Variants in INPP5A observed in about 807,000 individuals in gnomAD.
The protein encoded by INPP5A is inositol polyphosphate-5-phosphatase A, also known as 43 kDa inositol polyphosphate 5-phophatase.
INPP5A carries 14 observed loss-of-function variants against 65.2 expected under a neutral mutation model. That is an observed-to-expected ratio of 0.21 (90% CI 0.14 to 0.34). The LOEUF is 0.34. Ranked by LOEUF, INPP5A falls within the 10% of genes least tolerant of loss-of-function variation. The pLI is 1.00. For synonymous variants in INPP5A, 207 were observed against 208.3 expected (o/e 0.99, Z 0.05); for missense variants, 431 against 545.6 (o/e 0.79, Z 2.09).
chr10:132,543,319 T>G (rs1482112695), intron 1 of INPP5A, among the ~76,000 whole-genome samples: 2 of 152,118 alleles, frequency 1.3e-5, no homozygotes, highest in East Asian at 3.9e-4. Flanking sequence ...ATACATGGGA[T>G]CAGACGGTCT....
Position 132,752,629 on chromosome 10 carries a change from T to C in INPP5A, c.903+2784T>C, listed in dbSNP as rs951846642. 5.9e-3 allele frequency among the ~76,000 whole-genome samples: 168 copies of C among 28,656 alleles called. 1 individual carries two copies. Among genetic ancestry groups the C allele is most frequent in the African/African-American group, 0.019 (150 of 7,750 alleles). 18.8% of individuals were successfully genotyped at this position (28,656 alleles called of 152,430 possible). A position where few individuals can be genotyped will look rare whatever the true frequency, so the allele number is the denominator to read the frequency against. ...GCATGGAGTGGGGTGTGGCATGGAG[T>C]GGGGTGTGGCATGGAGGGACACGGG... On this transcript the variant is annotated intron_variant, in intron 11 of 15. Coordinates refer to ENST00000368594, the MANE Select transcript of INPP5A (RefSeq NM_005539.5).
At chr10:132,623,256 C>T (rs1219236704) in intron 2 of INPP5A, among the ~76,000 whole-genome samples, 1 of 152,184 alleles carries the variant, frequency 6.6e-6, no homozygotes, top group Non-Finnish European at 1.5e-5. Context: ...TACCATAAAG[C>T]TGAAGCAATC....
Position 132,564,957 on chromosome 10 carries a change from C to T in INPP5A, c.75+26786C>T, listed in dbSNP as rs994598468. ...TCACCTGGTATGAGCCTCTGCCACC[C>T]CGCTCCCCACAGCAGCAGTACCAAC... On this transcript the variant is annotated intron_variant, in intron 1 of 15. Coordinates refer to ENST00000368594, the MANE Select transcript of INPP5A (RefSeq NM_005539.5). Among the ~76,000 whole-genome samples the T allele has an allele frequency of 2.6e-5, 4 of 152,214 alleles. No individual in the cohort carries two copies. In the South Asian group the frequency reaches 6.2e-4, roughly 24 times the overall value.
At position 132,575,011 on chromosome 10, in the gene INPP5A, G is replaced by A. The variant is rs1485165339; in HGVS notation, c.76-32904G>A. Reference sequence around the variant, plus strand: ...GCCCACCTGACGATAGAAACGCAAAGCACACCTCAGCATATGGTCTGCGGA... The same window carrying A: ...GCCCACCTGACGATAGAAACGCAAAACACACCTCAGCATATGGTCTGCGGA... On this transcript the variant is annotated intron_variant, in intron 1 of 15. Transcript: ENST00000368594. The surrounding 1 kb of genome is among the most constrained non-coding windows in gnomAD (Gnocchi z 5.4). 2.0e-5 allele frequency among the ~76,000 whole-genome samples: 3 copies of A among 152,176 alleles called. No homozygotes were observed. Among genetic ancestry groups the A allele is most frequent in the Non-Finnish European group, 2.9e-5 (2 of 68,038 alleles).
chr10:132,701,558 G>A (rs905214269), intron 6 of INPP5A, among the ~76,000 whole-genome samples: 1 of 152,262 alleles, frequency 6.6e-6, no homozygotes, highest in African/African-American at 2.4e-5. Flanking sequence ...CTGAGCATGT[G>A]AGCGTTGGCT....
rs2070985361 is a variant in INPP5A at position 132,547,134 on chromosome 10, G to A, written c.75+8963G>A. Among the ~76,000 whole-genome samples the A allele has an allele frequency of 6.6e-6, 1 of 152,250 alleles. No homozygotes were observed. The highest frequency in any genetic ancestry group is 1.5e-5 in the Non-Finnish European group (1 of 68,042). On this transcript the variant is annotated intron_variant, in intron 1 of 15. Transcript: ENST00000368594. This position sits in a 1 kb window ranked among gnomAD's most constrained non-coding sequence, Gnocchi z 5.5. ...GGCCACAGTCCAGGTTCACGTGGAT[G>A]CGGGGCAGGCCCCACCTCTCCTCGC...
chr10:132,597,611 G>A (rs989020393), intron 1 of INPP5A, among the ~76,000 whole-genome samples: 4 of 152,184 alleles, frequency 2.6e-5, no homozygotes, highest in South Asian at 2.1e-4. Flanking sequence ...TATGCAGAGC[G>A]GTTGTAAAAA....
chr10:132,567,651 C>T (rs1380891567), intron 1 of INPP5A, among the ~76,000 whole-genome samples: 3 of 152,156 alleles, frequency 2.0e-5, no homozygotes, highest in African/African-American at 2.4e-5. Context: ...TCCATGTAAA[C>T]GTGTCTGTGG....
At chr10:132,748,126 C>G (rs1444233938) in intron 9 of INPP5A, among the ~76,000 whole-genome samples, 1 of 152,212 alleles carries the variant, frequency 6.6e-6, no homozygotes, top group Non-Finnish European at 1.5e-5. Flanking sequence ...ATTCTAGACT[C>G]TCTCTCCATA....
At chr10:132,747,112 C>T (rs1210750529) in intron 9 of INPP5A, among the ~76,000 whole-genome samples, 2 of 152,206 alleles carry the variant, frequency 1.3e-5, no homozygotes, top group Non-Finnish European at 2.9e-5. Context: ...TGAGCCGCGT[C>T]CTGGGATGGC....
At chr10:132,625,138 T>C (rs2072166046) in intron 2 of INPP5A, among the ~76,000 whole-genome samples, 1 of 106,592 alleles carries the variant, frequency 9.4e-6, no homozygotes. Flanking sequence ...CCTTCCTTCC[T>C]TCCCTCCCTC....
chr10:132,764,915 C>A (rs1460005431), intron 11 of INPP5A, among the ~76,000 whole-genome samples: 12 of 146,600 alleles, frequency 8.2e-5, no homozygotes, highest in Non-Finnish European at 1.2e-4. Context: ...TCGGGCCAGT[C>A]CTGCAGGGGT....
rs1015146889 is a variant in INPP5A, at chr10:132,627,039, G to A, written c.118-18829G>A. On this transcript the variant is annotated intron_variant, in intron 2 of 15. Transcript: ENST00000368594. This position sits in a 1 kb window ranked among gnomAD's most constrained non-coding sequence, Gnocchi z 6.6. ...TTGGGAGGTGATGGGGTGAGATGAG[G>A]TTATGCGGTGGGCCCCCCGGATGGG... Among the ~76,000 whole-genome samples, 22 of 152,088 alleles carry A rather than the reference G, an allele frequency of 1.4e-4. No individual in the cohort carries two copies. Among genetic ancestry groups the A allele is most frequent in the African/African-American group, 5.1e-4 (21 of 41,406 alleles).
chr10:132,554,892 A>C (rs2071106507), intron 1 of INPP5A, among the ~76,000 whole-genome samples: 1 of 130,630 alleles, frequency 7.7e-6, no homozygotes, highest in Admixed American at 8.1e-5. Flanking sequence ...TGTGGGTAGC[A>C]TGGGTGGTAT....
chr10:132,606,694 T>A (rs2071857775), intron 1 of INPP5A, among the ~76,000 whole-genome samples: 1 of 152,256 alleles, frequency 6.6e-6, no homozygotes, highest in Non-Finnish European at 1.5e-5. Context: ...CTGTTGTGTT[T>A]GCGTGGGCGC....
chr10:132,591,539 G>A lies in INPP5A; in HGVS notation c.76-16376G>A, dbSNP rs113591943. 2.9e-3 allele frequency among the ~76,000 whole-genome samples: 449 copies of A among 152,330 alleles called. 2 individuals are homozygous for A. The highest frequency in any genetic ancestry group is 0.01 in the African/African-American group (429 of 41,572). ...TCTTAAAGTTTTTCTCTTACACAAT[G>A]TTCACATATGCAAAAGGTCGTTTGT... On this transcript the variant is annotated intron_variant, in intron 1 of 15. Coordinates refer to ENST00000368594, the MANE Select transcript of INPP5A (RefSeq NM_005539.5).
intron 12 of INPP5A, among the ~76,000 whole-genome samples, chr10:132,774,784 C>T (rs1049399152): frequency 1.1e-4 from 16 of 149,388 alleles, no homozygotes; most frequent in Admixed American, 6.0e-4. Flanking sequence ...GGCTGCTGCC[C>T]GCATCCTACA....
At position 132,690,423 on chromosome 10, in the gene INPP5A, C is replaced by T. The variant is rs747674907; in HGVS notation, c.338C>T (p.Ser113Phe). The change falls in exon 5 of 16, where the codon TCC becomes TTC. Residue 113 changes from serine to phenylalanine, a missense_variant. Coordinates refer to ENST00000368594, the MANE Select transcript of INPP5A (RefSeq NM_005539.5). ...ALGSFYFLHE[S>F]LKNIYQFDFK... Reference sequence around the variant, plus strand: ...GGAAGCTTTTATTTTCTTCATGAGTCCTTAAAAAACATCTACCAGTTTGAC... The same window carrying T: ...GGAAGCTTTTATTTTCTTCATGAGTTCTTAAAAAACATCTACCAGTTTGAC... The T allele has an allele frequency of 1.2e-6, 2 of 1,612,808 alleles. No homozygotes were observed. The highest frequency in any genetic ancestry group is 2.2e-5 in the South Asian group (2 of 91,032).
In INPP5A at chr10:132,674,601, C is replaced by T. The variant is rs902141341; in HGVS notation, c.307-15791C>T. Among the ~76,000 whole-genome samples, 3 of 152,164 alleles carry T rather than the reference C, an allele frequency of 2.0e-5. No individual in the cohort carries two copies. The highest frequency in any genetic ancestry group is 4.8e-5 in the African/African-American group (2 of 41,414). On this transcript the variant is annotated intron_variant, in intron 4 of 15. Coordinates refer to ENST00000368594, the MANE Select transcript of INPP5A (RefSeq NM_005539.5). The surrounding 1 kb of genome is among the most constrained non-coding windows in gnomAD (Gnocchi z 4.4). ...GTGGAGACCATGGGCATTTGAGCCA[C>T]GTCGTCATGTAACTTACTTGTGCCT...
Sources: allele counts gnomAD v4.1 joint callset (sites outside exome capture counted in the v4.1 genomes callset), GRCh38; gene constraint gnomAD v4.1.1; non-coding constraint Gnocchi (gnomAD v3.1); transcripts MANE v1.5; gene names NCBI Gene and HGNC (gene_info 2026-07-23, HGNC 2026-07-21).